Variants in AGBL1 observed in about 807,000 individuals in gnomAD.
AGBL1 encodes AGBL carboxypeptidase 1.
AGBL1 carries 130 observed loss-of-function variants against 118.9 expected under a neutral mutation model. The ratio of observed to expected loss-of-function variants is 1.09; its 90% CI spans 0.95 to 1.26. The LOEUF is 1.26. Among genes scored for constraint, AGBL1 ranks in the 50% most tolerant of loss-of-function variants. AGBL1 has a pLI of 0.00. For missense variants in AGBL1, 1,584 were observed against 1,298.1 expected (o/e 1.22, Z -3.38); for synonymous variants, 555 against 478.9 (o/e 1.16, Z -2.08).
intron 15 of AGBL1, among the ~76,000 whole-genome samples, chr15:86,276,593 G>T (rs1415277059): frequency 1.3e-5 from 2 of 152,214 alleles, no homozygotes; most frequent in East Asian, 1.9e-4. Context: ...AATAAGCATG[G>T]TCCTTGCCAT....
chr15:86,414,412 G>A (rs1337165505), intron 18 of AGBL1, among the ~76,000 whole-genome samples: 2 of 152,158 alleles, frequency 1.3e-5, no homozygotes, highest in South Asian at 2.1e-4. Context: ...CTTCCCAGAG[G>A]TAGTTGGATG....
intron 23 of AGBL1, among the ~76,000 whole-genome samples, chr15:86,976,926 A>G (rs954664419): frequency 3.9e-5 from 6 of 151,974 alleles, no homozygotes; most frequent in Admixed American, 1.3e-4. Context: ...ATGTCTTCAT[A>G]TATATTTCAA....
chr15:86,727,099 C>T (rs940155065), intron 22 of AGBL1, among the ~76,000 whole-genome samples: 1 of 152,086 alleles, frequency 6.6e-6, no homozygotes, highest in Non-Finnish European at 1.5e-5. Flanking sequence ...TCAGGCAGTA[C>T]TTGGGATGAT....
chr15:86,572,844 C>T (rs2084030798), intron 21 of AGBL1, among the ~76,000 whole-genome samples: 1 of 152,226 alleles, frequency 6.6e-6, no homozygotes, highest in Non-Finnish European at 1.5e-5. Context: ...TTTCTATTCT[C>T]CTGTGACTGC....
chr15:86,244,822 C>A (rs888339717), intron 6 of AGBL1, among the ~76,000 whole-genome samples: 7 of 152,182 alleles, frequency 4.6e-5, no homozygotes, highest in Non-Finnish European at 8.8e-5. Flanking sequence ...GCAGGTGATA[C>A]TGTCCTTTAA....
At chr15:86,665,261 TATTA>T (rs1353470797) in intron 21 of AGBL1, among the ~76,000 whole-genome samples, 1 of 152,170 alleles carries the variant, frequency 6.6e-6, no homozygotes, top group African/African-American at 2.4e-5. Context: ...ATTTCCTTAA[TATTA>T]ATTTCTGAAA....
intron 22 of AGBL1, among the ~76,000 whole-genome samples, chr15:86,857,386 A>C (rs1278799383): frequency 6.6e-6 from 1 of 151,942 alleles, no homozygotes; most frequent in African/African-American, 2.4e-5. Flanking sequence ...ATTCTCACCC[A>C]TCCCATATCT....
chr15:86,814,955 G>T (rs1482998557), intron 22 of AGBL1, among the ~76,000 whole-genome samples: 2 of 151,922 alleles, frequency 1.3e-5, no homozygotes, highest in Admixed American at 1.3e-4. Context: ...AATAAATGTT[G>T]GTTTACTTCT....
intron 22 of AGBL1, among the ~76,000 whole-genome samples, chr15:86,747,390 A>T (rs1007188241): frequency 1.3e-5 from 2 of 152,176 alleles, no homozygotes; most frequent in Non-Finnish European, 2.9e-5. Context: ...TGAAATAAAT[A>T]AAAATAATAA....
intron 21 of AGBL1, among the ~76,000 whole-genome samples, chr15:86,666,615 T>G (rs2085649640): frequency 6.6e-6 from 1 of 152,158 alleles, no homozygotes. Context: ...ACAAGGACTG[T>G]GTTAGTGTCA....
At chr15:86,110,677 T>C (rs1484633340) in intron 1 of AGBL1, among the ~76,000 whole-genome samples, 2 of 152,114 alleles carry the variant, frequency 1.3e-5, no homozygotes, top group East Asian at 3.9e-4. Context: ...TGACCTAAGG[T>C]TAATCATTTT....
chr15:86,424,326 G>C (rs1343676950), intron 18 of AGBL1, among the ~76,000 whole-genome samples: 2 of 152,148 alleles, frequency 1.3e-5, no homozygotes, highest in Non-Finnish European at 2.9e-5. Flanking sequence ...GAGAAAACTA[G>C]CTAGCCATAT....
At chr15:86,739,314 A>T (rs1313252634) in intron 22 of AGBL1, among the ~76,000 whole-genome samples, 1 of 151,986 alleles carries the variant, frequency 6.6e-6, no homozygotes, top group East Asian at 1.9e-4. Context: ...TTGGTGGCAC[A>T]TGCCTGTAAT....
intron 21 of AGBL1, among the ~76,000 whole-genome samples, chr15:86,577,597 G>A (rs1159094873): frequency 6.6e-6 from 1 of 152,190 alleles, no homozygotes; most frequent in Non-Finnish European, 1.5e-5. Context: ...GGTTGTCATG[G>A]TAGCCTCTCC....
At chr15:86,556,779 A>G (rs2083740710) in intron 21 of AGBL1, among the ~76,000 whole-genome samples, 1 of 152,284 alleles carries the variant, frequency 6.6e-6, no homozygotes, top group Non-Finnish European at 1.5e-5. Context: ...TAGCATTACC[A>G]TTTATCCAAA....
rs948347043 is a variant in AGBL1, at chr15:86,615,725, A to G, written c.2995-58548A>G. Among the ~76,000 whole-genome samples, 8 of 152,206 alleles carry G rather than the reference A, an allele frequency of 5.3e-5. No individual in the cohort carries two copies. Among genetic ancestry groups the G allele is most frequent in the African/African-American group, 1.9e-4 (8 of 41,446 alleles). Reference sequence around the variant, plus strand: ...AAGATTCAAAACTACTCAAAGCCACAGAGTTAGAAATGTGAGTTTTATATT... The same window carrying G: ...AAGATTCAAAACTACTCAAAGCCACGGAGTTAGAAATGTGAGTTTTATATT... On this transcript the variant is annotated intron_variant, in intron 21 of 22. Coordinates refer to ENST00000614907, the MANE Select transcript of AGBL1 (RefSeq NM_001386094.1). The surrounding 1 kb of genome is among the most constrained non-coding windows in gnomAD (Gnocchi z 4.3).
intron 17 of AGBL1, among the ~76,000 whole-genome samples, chr15:86,328,108 T>G (rs2080212670): frequency 6.6e-6 from 1 of 152,210 alleles, no homozygotes; most frequent in Admixed American, 6.5e-5. Context: ...AGCAGAGAGC[T>G]TAGTTCCTGT....
chr15:86,363,896 AC>A (rs1232352561), intron 17 of AGBL1, among the ~76,000 whole-genome samples: 2 of 152,034 alleles, frequency 1.3e-5, no homozygotes, highest in African/African-American at 4.8e-5. Context: ...CATTATCCAC[AC>A]TATTCAGGCT....
intron 1 of AGBL1, among the ~76,000 whole-genome samples, chr15:86,097,383 C>A (rs1424766250): frequency 1.3e-5 from 2 of 152,042 alleles, no homozygotes; most frequent in Non-Finnish European, 2.9e-5. Context: ...TGTAGTCATC[C>A]CACTCTCCTA....
Sources: gnomAD v4.1 joint callset for allele counts (sites outside exome capture counted in the v4.1 genomes callset) on GRCh38, gnomAD v4.1.1 for gene constraint, Gnocchi (gnomAD v3.1) non-coding constraint, MANE v1.5 for transcripts, NCBI Gene and HGNC (gene_info 2026-07-23, HGNC 2026-07-21) for gene names.